MRPS28: variants seen among roughly 807,000 people sequenced by gnomAD.
The protein encoded by MRPS28 is small ribosomal subunit protein bS1m.
In MRPS28, 7 loss-of-function variants were observed where a neutral mutation model predicts 10.8. The observed-to-expected ratio is 0.65, with a 90% CI of 0.37 to 1.22. MRPS28 has a LOEUF of 1.22. MRPS28 is among the 50% of genes most tolerant of loss of function. MRPS28 has a pLI of 0.02. For missense variants in MRPS28, 265 were observed against 232.9 expected, an observed-to-expected ratio of 1.14 and a Z score of -0.90; for synonymous variants, 121 against 93.3, an observed-to-expected ratio of 1.30 and a Z score of -1.71.
intron 2 of MRPS28, among the ~76,000 whole-genome samples, chr8:79,994,452 A>C (rs1293543643): frequency 6.6e-6 from 1 of 151,944 alleles, no homozygotes. Context: ...ACACAACCCA[A>C]CTCACTACCC....
chr8:79,943,381 ATT>A (rs1458643813), intron 2 of MRPS28, among the ~76,000 whole-genome samples: 12 of 152,208 alleles, frequency 7.9e-5, no homozygotes, highest in African/African-American at 2.9e-4. Context: ...AAAATATTGC[ATT>A]GTTTTTGATA....
At chr8:79,924,246 T>C (rs1186614914) in intron 2 of MRPS28, among the ~76,000 whole-genome samples, 1 of 152,386 alleles carries the variant, frequency 6.6e-6, no homozygotes, top group African/African-American at 2.4e-5. Flanking sequence ...GATATTTTTC[T>C]GGCTTTCTCA....
At chr8:79,969,130 A>C (rs1318437015) in intron 2 of MRPS28, among the ~76,000 whole-genome samples, 1 of 152,242 alleles carries the variant, frequency 6.6e-6, no homozygotes, top group Non-Finnish European at 1.5e-5. Context: ...CTATTATATT[A>C]AGCCAGTCAA....
At position 80,030,104 on chromosome 8, in the gene MRPS28, C is replaced by T; in HGVS notation, c.145G>A (p.Ala49Thr). The change falls in exon 1 of 3, where the codon GCA becomes ACA. Residue 49 changes from alanine to threonine, a missense_variant. Coordinates refer to ENST00000276585, the MANE Select transcript of MRPS28 (RefSeq NM_014018.3). ...SSNAKEPKTRAGGFASALERH... is the reference protein window; with the variant it reads ...SSNAKEPKTRTGGFASALERH... ...TCCAACGCGCTCGCGAAACCGCCTG[C>T]GCGCGTCTTAGGCTCCTTGGCATTG... 1 of 1,614,042 alleles carries T rather than the reference C, an allele frequency of 6.2e-7. No homozygotes were observed. Among genetic ancestry groups the T allele is most frequent in the Non-Finnish European group, 8.5e-7 (1 of 1,179,944 alleles).
At chr8:79,928,302 C>A (rs1440616259) in intron 2 of MRPS28, among the ~76,000 whole-genome samples, 2 of 151,964 alleles carry the variant, frequency 1.3e-5, no homozygotes, top group Non-Finnish European at 1.5e-5. Context: ...CTGCTCTCCA[C>A]CCTGGGCAAT....
intron 2 of MRPS28, among the ~76,000 whole-genome samples, chr8:79,994,891 CCT>C (rs1480045133): frequency 1.3e-5 from 2 of 152,102 alleles, no homozygotes; most frequent in Non-Finnish European, 2.9e-5. Flanking sequence ...GAAGAGGCAG[CCT>C]CTCTCTCATT....
chr8:79,946,262 C>T (rs976746386), intron 2 of MRPS28, among the ~76,000 whole-genome samples: 2 of 152,068 alleles, frequency 1.3e-5, no homozygotes, highest in East Asian at 3.8e-4. Context: ...CTCTTCTGGG[C>T]TCATCTCATC....
At chr8:79,928,266 G>A (rs1471018182) in intron 2 of MRPS28, among the ~76,000 whole-genome samples, 1 of 152,112 alleles carries the variant, frequency 6.6e-6, no homozygotes, top group Non-Finnish European at 1.5e-5. Flanking sequence ...AGGAGTTCAA[G>A]TCTGTGGTGA....
chr8:80,011,142 T>A (rs542494643), intron 1 of MRPS28, among the ~76,000 whole-genome samples: 2,184 of 145,244 alleles, frequency 0.015, 74 homozygotes, highest in African/African-American at 0.048. Flanking sequence ...TTTATTTTTA[T>A]TTTTTTTTGT....
chr8:79,963,146 C>T (rs1807415409), intron 2 of MRPS28, among the ~76,000 whole-genome samples: 2 of 152,132 alleles, frequency 1.3e-5, no homozygotes, highest in South Asian at 2.1e-4. Context: ...CTTTACCTTA[C>T]ACTACTTAAA....
At chr8:80,019,817 T>C (rs1370684515) in intron 1 of MRPS28, among the ~76,000 whole-genome samples, 1 of 152,126 alleles carries the variant, frequency 6.6e-6, no homozygotes, top group Non-Finnish European at 1.5e-5. Context: ...CAAAAAACTA[T>C]GTGGCCAAAG....
At chr8:79,972,696 T>C (rs896110015) in intron 2 of MRPS28, among the ~76,000 whole-genome samples, 3 of 152,180 alleles carry the variant, frequency 2.0e-5, no homozygotes, top group Non-Finnish European at 2.9e-5. Flanking sequence ...AACCCAAATA[T>C]TGACACACGT....
At chr8:80,028,301 A>G (rs966423978) in intron 1 of MRPS28, among the ~76,000 whole-genome samples, 1 of 152,064 alleles carries the variant, frequency 6.6e-6, no homozygotes, top group African/African-American at 2.4e-5. Flanking sequence ...TCCTATACAT[A>G]TATTTGGAAG....
At chr8:79,988,989 A>T (rs79154924) in intron 2 of MRPS28, among the ~76,000 whole-genome samples, 2 of 152,212 alleles carry the variant, frequency 1.3e-5, no homozygotes, top group African/African-American at 4.8e-5. Flanking sequence ...GGTATGTGAC[A>T]ATTTCTGAGA....
At chr8:80,017,845 T>C (rs1186633911) in intron 1 of MRPS28, among the ~76,000 whole-genome samples, 1 of 152,134 alleles carries the variant, frequency 6.6e-6, no homozygotes, top group Non-Finnish European at 1.5e-5. Flanking sequence ...CAACAGAATA[T>C]TAGCAAATCA....
chr8:80,015,549 C>T (rs1809171736), intron 1 of MRPS28, among the ~76,000 whole-genome samples: 1 of 152,172 alleles, frequency 6.6e-6, no homozygotes, highest in Admixed American at 6.5e-5. Context: ...CTATAGAACA[C>T]TTTCCCTCCC....
chr8:80,026,364 T>G (rs1440996876), intron 1 of MRPS28, among the ~76,000 whole-genome samples: 1 of 152,228 alleles, frequency 6.6e-6, no homozygotes, highest in African/African-American at 2.4e-5. Flanking sequence ...ACTCTTAAAA[T>G]TATTTTTACT....
Position 80,030,079 on chromosome 8 carries a change from T to C in MRPS28, c.170A>G (p.Glu57Gly), listed in dbSNP as rs777121450. ...CTTCTGTAGAAGCTCCGAGTGCCGC[T>C]CCAACGCGCTCGCGAAACCGCCTGC... ...TRAGGFASAL[E>G]RHSELLQKVE... Residue 57 changes from glutamate (E) to glycine (G), a missense_variant, in exon 1 of 3, where the codon GAG (glutamate) becomes GGG (glycine). Physicochemically the swap from Glu to Gly is moderately conservative, Grantham distance 98. Transcript: ENST00000276585. 1.2e-6 allele frequency: 2 copies of C among 1,610,166 alleles called. No homozygotes were observed. Among genetic ancestry groups the C allele is most frequent in the Admixed American group, 3.3e-5 (2 of 59,892 alleles).
At chr8:80,021,736 T>C (rs971321076) in intron 1 of MRPS28, among the ~76,000 whole-genome samples, 2 of 152,328 alleles carry the variant, frequency 1.3e-5, no homozygotes, top group South Asian at 4.1e-4. Flanking sequence ...AATGGTCTTA[T>C]CAGTGCTGGG....
Sources: allele counts gnomAD v4.1 joint callset (sites outside exome capture counted in the v4.1 genomes callset), GRCh38; gene constraint gnomAD v4.1.1; transcripts MANE v1.5; gene names NCBI Gene and HGNC (gene_info 2026-07-23, HGNC 2026-07-21).